The following FBXL18 variants were observed in gnomAD, a reference collection of about 807,000 sequenced individuals.
The protein encoded by FBXL18 is F-box/LRR-repeat protein 18.
FBXL18 carries 36 observed loss-of-function variants against 46.0 expected under a neutral mutation model. That is an observed-to-expected ratio of 0.78 (90% CI 0.60 to 1.03). FBXL18 has a LOEUF of 1.03. Ranked by LOEUF, FBXL18 falls within the 50% of genes least tolerant of loss-of-function variation. The pLI, the probability that FBXL18 is intolerant of heterozygous loss-of-function variation, is 0.00. For missense variants in FBXL18, 977 were observed against 1,004.1 expected, an observed-to-expected ratio of 0.97 and a Z score of 0.36; for synonymous variants, 557 against 465.3, an observed-to-expected ratio of 1.20 and a Z score of -2.54.
chr7:5,460,705 G>A lies in FBXL18; in HGVS notation c.2001-12862C>T, dbSNP rs555734118. ...TGACCCCAAGCGATCTGCCCACCTC[G>A]GCCTCCCAAAGCCCTGGGATTACAG... On this transcript the variant is annotated intron_variant and NMD_transcript_variant, in intron 4 of 6. Coordinates refer to the FBXL18 transcript ENST00000415009. Among the ~76,000 whole-genome samples, 14 of 152,196 alleles carry A rather than the reference G, an allele frequency of 9.2e-5. No individual in the cohort carries two copies. The South Asian group carries it at 1.5e-3, about 16-fold the overall frequency.
intron 4 of FBXL18, among the ~76,000 whole-genome samples, chr7:5,463,717 T>TAG (rs1419053864): frequency 4.2e-5 from 3 of 71,730 alleles, no homozygotes; most frequent in African/African-American, 1.6e-4. Flanking sequence ...TATTTATTTA[T>TAG]TTATTTATTT....
At chr7:5,508,425 G>T (rs1784446403) in intron 1 of FBXL18, among the ~76,000 whole-genome samples, 1 of 146,242 alleles carries the variant, frequency 6.8e-6, no homozygotes, top group Admixed American at 7.0e-5. Context: ...CTGGGCAACA[G>T]AGCGAGACTT....
chr7:5,498,727 C>A (rs745823469), intron 3 of FBXL18, among the ~76,000 whole-genome samples: 1 of 152,166 alleles, frequency 6.6e-6, no homozygotes, highest in African/African-American at 2.4e-5. Context: ...CCTGCTCCCA[C>A]GCCCCGCTAA....
At chr7:5,503,874 G>A (rs1032857847) in intron 2 of FBXL18, among the ~76,000 whole-genome samples, 1 of 151,952 alleles carries the variant, frequency 6.6e-6, no homozygotes, top group South Asian at 2.1e-4. Context: ...GGCTGGGGCA[G>A]GAAAAACGCT....
At chr7:5,488,123 C>T (rs1357452785) in intron 4 of FBXL18, among the ~76,000 whole-genome samples, 2 of 152,238 alleles carry the variant, frequency 1.3e-5, no homozygotes, top group African/African-American at 2.4e-5. Flanking sequence ...AACCGGGGAA[C>T]GCAAAGAGCT....
At chr7:5,465,945 G>A (rs1783334742) in intron 4 of FBXL18, among the ~76,000 whole-genome samples, 1 of 151,866 alleles carries the variant, frequency 6.6e-6, no homozygotes, top group Non-Finnish European at 1.5e-5. Flanking sequence ...AGCCTCCCGA[G>A]TAGCTGGGAT....
At chr7:5,461,742 AC>A (rs1783248909) in intron 4 of FBXL18, among the ~76,000 whole-genome samples, 1 of 152,066 alleles carries the variant, frequency 6.6e-6, no homozygotes, top group Non-Finnish European at 1.5e-5. Context: ...GGAGTTTGAG[AC>A]CAGCCTGGCC....
chr7:5,513,602 A>G, intron 1 of FBXL18, 55 bp downstream of exon 1: 1 of 1,599,934 alleles, frequency 6.3e-7, no homozygotes, highest in Non-Finnish European at 8.5e-7. Flanking sequence ...GGAAGAACCC[A>G]GGGAGACCGA....
At chr7:5,506,117 G>T (rs1355091973) in intron 1 of FBXL18, among the ~76,000 whole-genome samples, 1 of 152,004 alleles carries the variant, frequency 6.6e-6, no homozygotes, top group Non-Finnish European at 1.5e-5. Flanking sequence ...TCCTGCCTTG[G>T]CCTCCCAAAG....
rs761367418 is a variant in FBXL18, at chr7:5,500,610, G to A, written c.1659C>T (p.Ile553=). Residue 553 remains isoleucine (I), a synonymous_variant, in exon 3 of 5, where the codon ATC becomes ATT. Coordinates refer to ENST00000382368, the MANE Select transcript of FBXL18 (RefSeq NM_024963.6). The part of the protein sequence containing the change: ...SVLTGSGLVN[I]GLQCQQLRSL... ...ACCGCAACTGCTGGCACTGCAGGCCGATATTGACCAGCCCGGAGCCCGTAA... is the reference window on the plus strand; with the variant it reads ...ACCGCAACTGCTGGCACTGCAGGCCAATATTGACCAGCCCGGAGCCCGTAA... The A allele has an allele frequency of 8.7e-6, 14 of 1,613,222 alleles. No individual in the cohort carries two copies. The African/African-American group carries it at 1.1e-4, about 12-fold the overall frequency.
chr7:5,485,134 C>T (rs1459132105), intron 4 of FBXL18, among the ~76,000 whole-genome samples: 2 of 152,148 alleles, frequency 1.3e-5, no homozygotes. Context: ...CCTGCTCTTC[C>T]ACACACCCTG....
chr7:5,511,651 C>T (rs1250431163), intron 1 of FBXL18, among the ~76,000 whole-genome samples: 1 of 151,220 alleles, frequency 6.6e-6, no homozygotes, highest in South Asian at 2.1e-4. Context: ...GCCTGTAGTC[C>T]CAGCTACTTG....
In FBXL18 at chr7:5,476,098, GGACA is replaced by G. The variant is rs1477821789; in HGVS notation, c.*5673_*5676del. The G allele has an allele frequency of 5.2e-5, 8 of 152,388 alleles. No homozygotes were observed. The highest frequency in any genetic ancestry group is 1.7e-4 in the African/African-American group (7 of 41,450). 9.4% of individuals were successfully genotyped at this position (152,388 alleles called of 1,614,324 possible). On this transcript the variant is annotated 3_prime_UTR_variant, in exon 5 of 5. Transcript: ENST00000382368. ...CTGCTGTCTCTGGGCAGTCTCACGT[GGACA>G]GACAATGCTCAGAAGGTGGCGAAGG...
intron 1 of FBXL18, among the ~76,000 whole-genome samples, chr7:5,508,808 T>A (rs563468221): frequency 4.6e-5 from 7 of 151,980 alleles, no homozygotes; most frequent in Non-Finnish European, 1.0e-4. Flanking sequence ...CCCCTCCCAA[T>A]TCCCAGTTTG....
downstream of FBXL18, chr7:5,475,771 C>G (rs1333096169): frequency 6.6e-6 from 1 of 152,182 alleles, no homozygotes; most frequent in African/African-American, 2.4e-5. This position sits in a 1 kb window ranked among gnomAD's most constrained non-coding sequence, Gnocchi z 4.2. Flanking sequence ...TCAAAGTATC[C>G]GTGCTGGAAG....
At chr7:5,489,974 C>T (rs369201914) in intron 4 of FBXL18, 32 of 1,279,918 alleles carry the variant, frequency 2.5e-5, no homozygotes, top group Non-Finnish European at 3.3e-5. Context: ...AAGATTGATG[C>T]ATAGTCTAAA....
intron 4 of FBXL18, among the ~76,000 whole-genome samples, chr7:5,461,113 T>C (rs1047716186): frequency 6.6e-6 from 1 of 152,210 alleles, no homozygotes; most frequent in Non-Finnish European, 1.5e-5. Context: ...GCTCCAGTCC[T>C]GCACTCTCGG....
At chr7:5,489,550 CA>C in intron 4 of FBXL18, 1 of 309,716 alleles carries the variant, frequency 3.2e-6, no homozygotes. Context: ...GTGGGCAGAT[CA>C]TGAGGTCAGG....
At position 5,501,918 on chromosome 7, in the gene FBXL18, G is replaced by C; in HGVS notation, c.351C>G (p.Arg117=). 1 of 1,602,822 alleles carries C rather than the reference G, an allele frequency of 6.2e-7. No individual in the cohort carries two copies. Among genetic ancestry groups the C allele is most frequent in the South Asian group, 1.1e-5 (1 of 88,982 alleles). The change falls in exon 3 of 5, where the codon CGC becomes CGG. Residue 117 remains arginine, a synonymous_variant. Coordinates refer to ENST00000382368, the MANE Select transcript of FBXL18 (RefSeq NM_024963.6). ...GGTTCACCTTCACCAGGCTGCGGCA[G>C]CGGGCCACGTGTTCCACGGTGGAGC... is the stretch of plus-strand genomic sequence containing the variant. ...LPGSTVEHVA[R]CRSLVKVNLS...
Sources: gnomAD v4.1 joint callset for allele counts (sites outside exome capture counted in the v4.1 genomes callset) on GRCh38, gnomAD v4.1.1 for gene constraint, Gnocchi (gnomAD v3.1) non-coding constraint, MANE v1.5 for transcripts, NCBI Gene and HGNC (gene_info 2026-07-23, HGNC 2026-07-21) for gene names.